The following CTNNA3 variants were observed in gnomAD, a reference collection of about 807,000 sequenced individuals.
CTNNA3 encodes catenin alpha 3.
CTNNA3 carries 76 observed loss-of-function variants against 95.7 expected under a neutral mutation model. That is an observed-to-expected ratio of 0.79 (90% CI 0.66 to 0.96). The LOEUF is 0.96. Ranked by LOEUF, CTNNA3 falls within the 40% of genes least tolerant of loss-of-function variation. The pLI is 0.00. For missense variants in CTNNA3, 1,191 were observed against 1,089.8 expected, an observed-to-expected ratio of 1.09 and a Z score of -1.31; for synonymous variants, 431 against 374.4, an observed-to-expected ratio of 1.15 and a Z score of -1.74.
At chr10:66,360,685 TCC>T (rs1174567787) in intron 12 of CTNNA3, among the ~76,000 whole-genome samples, 2 of 68,130 alleles carry the variant, frequency 2.9e-5, no homozygotes, top group East Asian at 2.6e-4. Context: ...CTTCCTTCCT[TCC>T]TTCCTTTTCT....
rs570697684 is a variant in CTNNA3 at position 66,396,888 on chromosome 10, A to G, written c.1532-17536T>C. ...TTTATAATGCAAACTAACCATTGGT[A>G]AACACAAATAATAACTTTATTTAAT... On this transcript the variant is annotated intron_variant, in intron 11 of 17. Transcript: ENST00000433211. 2.6e-5 allele frequency among the ~76,000 whole-genome samples: 4 copies of G among 152,032 alleles called. No individual in the cohort carries two copies. The East Asian group carries it at 7.8e-4, about 29-fold the overall frequency.
chr10:66,188,486 T>G (rs1230325216), intron 13 of CTNNA3, among the ~76,000 whole-genome samples: 2 of 151,974 alleles, frequency 1.3e-5, no homozygotes, highest in Admixed American at 1.3e-4. Context: ...ATTTGTCTTT[T>G]TGCATTTGGC....
chr10:67,560,793 A>T (rs1384895645), intron 3 of CTNNA3, among the ~76,000 whole-genome samples: 12 of 152,088 alleles, frequency 7.9e-5, no homozygotes, highest in Admixed American at 7.9e-4. Context: ...ATGGAGGAAG[A>T]TCTACCAAGC....
intron 13 of CTNNA3, among the ~76,000 whole-genome samples, chr10:66,258,529 C>T (rs1316413713): frequency 1.3e-5 from 2 of 152,154 alleles, no homozygotes; most frequent in African/African-American, 4.8e-5. Flanking sequence ...ATGCTCTAAA[C>T]ACTTTAAAAA....
In CTNNA3 at chr10:65,966,637, A is replaced by G. The variant is rs2133257020; in HGVS notation, c.2375T>C (p.Leu792Pro). Residue 792 changes from leucine to proline, a missense_variant, in exon 17 of 18, where the codon CTG (leucine) becomes CCG (proline). Leu to Pro is a moderately conservative substitution (Grantham distance 98). Coordinates refer to ENST00000433211, the MANE Select transcript of CTNNA3 (RefSeq NM_013266.4). ...AGCTGACATGATGAGCTCTCCTCCC[A>G]GGTTCTGGATCTCAGCTTTAACTTG... ...CSQVKAEIQN[L>P]GGELIMSALD... 1 of 1,613,856 alleles carries G rather than the reference A, an allele frequency of 6.2e-7. No homozygotes were observed. Among genetic ancestry groups the G allele is most frequent in the Non-Finnish European group, 8.5e-7 (1 of 1,179,812 alleles).
chr10:66,515,699 T>A (rs1840826750), intron 11 of CTNNA3, among the ~76,000 whole-genome samples: 1 of 151,982 alleles, frequency 6.6e-6, no homozygotes, highest in African/African-American at 2.4e-5. Context: ...AACACATCCT[T>A]TTTCACATCA....
chr10:65,949,245 G>C (rs913073615), intron 17 of CTNNA3, among the ~76,000 whole-genome samples: 1 of 152,120 alleles, frequency 6.6e-6, no homozygotes. Context: ...TGAAAATAAA[G>C]CCCAAATTCA....
At chr10:66,095,093 C>T (rs1034973666) in intron 14 of CTNNA3, among the ~76,000 whole-genome samples, 8 of 152,002 alleles carry the variant, frequency 5.3e-5, no homozygotes, top group Non-Finnish European at 1.0e-4. Flanking sequence ...TTGTAGGCCT[C>T]CCAATATATG....
At chr10:66,558,671 T>C (rs1487410465) in intron 10 of CTNNA3, among the ~76,000 whole-genome samples, 2 of 152,134 alleles carry the variant, frequency 1.3e-5, no homozygotes, top group Non-Finnish European at 2.9e-5. Context: ...TATTTCATTA[T>C]TGGAATAAGA....
At chr10:66,656,222 AG>A (rs1846069611) in intron 9 of CTNNA3, among the ~76,000 whole-genome samples, 1 of 152,226 alleles carries the variant, frequency 6.6e-6, no homozygotes, top group African/African-American at 2.4e-5. Context: ...CTGCAATATA[AG>A]GAAGAATTAG....
chr10:66,676,175 G>A (rs201835535), intron 9 of CTNNA3, among the ~76,000 whole-genome samples: 3 of 150,554 alleles, frequency 2.0e-5, no homozygotes, highest in African/African-American at 2.4e-5. Flanking sequence ...TGGACTGGGG[G>A]AAAAAGAAAA....
Position 67,607,025 on chromosome 10 carries a change from G to A in CTNNA3, c.124C>T (p.Gln42Ter). 6.2e-7 allele frequency: 1 copy of A among 1,613,480 alleles called. No homozygotes were observed. Among genetic ancestry groups the A allele is most frequent in the Non-Finnish European group, 8.5e-7 (1 of 1,179,798 alleles). The change falls in exon 3 of 18, where the codon CAG becomes TAG. Residue 42 changes from glutamine to a stop codon, truncating the protein, a stop_gained. Transcript: ENST00000433211. LOFTEE classifies it high-confidence loss of function. ...IQVTTLVNCP[Q>*]NPSSRKKGRS... Reference sequence around the variant, plus strand: ...CCTTTTTTCCTGCTGGAAGGGTTCTGGGGACAGTTTACAAGTGTGGTAACC... The same window carrying A: ...CCTTTTTTCCTGCTGGAAGGGTTCTAGGGACAGTTTACAAGTGTGGTAACC...
At chr10:66,418,994 C>T (rs2093169195) in intron 11 of CTNNA3, among the ~76,000 whole-genome samples, 1 of 151,992 alleles carries the variant, frequency 6.6e-6, no homozygotes, top group Non-Finnish European at 1.5e-5. Flanking sequence ...TCCACCATTC[C>T]TAATCAACAA....
At chr10:66,013,316 A>C (rs2079038497) in intron 15 of CTNNA3, among the ~76,000 whole-genome samples, 1 of 152,244 alleles carries the variant, frequency 6.6e-6, no homozygotes. Flanking sequence ...CATTGTATTG[A>C]GTGGACCAGA....
chr10:66,526,450 G>A (rs111820661), intron 10 of CTNNA3, among the ~76,000 whole-genome samples: 2 of 152,166 alleles, frequency 1.3e-5, no homozygotes, highest in African/African-American at 4.8e-5. Flanking sequence ...GCCTCCCAAA[G>A]TGCTGGGATT....
chr10:66,056,967 A>G (rs906915779), intron 15 of CTNNA3, among the ~76,000 whole-genome samples: 2 of 152,178 alleles, frequency 1.3e-5, no homozygotes, highest in Non-Finnish European at 2.9e-5. Context: ...CAACTTACCT[A>G]TATTTGCCAA....
chr10:66,950,950 C>T (rs1848507591), intron 7 of CTNNA3, among the ~76,000 whole-genome samples: 2 of 152,122 alleles, frequency 1.3e-5, no homozygotes, highest in Admixed American at 1.3e-4. Context: ...CCTCTCTTGT[C>T]ACTGTGCAGA....
At chr10:66,411,007 G>A (rs2093100355) in intron 11 of CTNNA3, among the ~76,000 whole-genome samples, 1 of 152,190 alleles carries the variant, frequency 6.6e-6, no homozygotes, top group South Asian at 2.1e-4. Context: ...TGGCAAAGCT[G>A]TGATTAGATT....
At chr10:66,508,211 T>TTTTTTTTTTTTG (rs1554808294) in intron 11 of CTNNA3, among the ~76,000 whole-genome samples, 2 of 91,178 alleles carry the variant, frequency 2.2e-5, no homozygotes, top group Non-Finnish European at 4.1e-5. Context: ...TTGTTTTCTG[T>TTTTTTTTTTTTG]TTTTTTTTTT....
Sources: gnomAD v4.1 joint callset for allele counts (sites outside exome capture counted in the v4.1 genomes callset) on GRCh38, gnomAD v4.1.1 for gene constraint, MANE v1.5 for transcripts, NCBI Gene and HGNC (gene_info 2026-07-23, HGNC 2026-07-21) for gene names.